The following TSPAN14 variants were observed in gnomAD, a reference collection of about 807,000 sequenced individuals.
TSPAN14 encodes tetraspanin 14, also known as tetraspanin-14.
In TSPAN14, 16 loss-of-function variants were observed where a neutral mutation model predicts 36.6. The ratio of observed to expected loss-of-function variants is 0.44; its 90% confidence interval spans 0.30 to 0.66. TSPAN14 has a LOEUF of 0.66. Ranked by LOEUF, TSPAN14 falls within the 30% of genes least tolerant of loss-of-function variation. The pLI is 0.12. For synonymous variants in TSPAN14, 139 were observed against 143.8 expected, an observed-to-expected ratio of 0.97 and a Z score of 0.24; for missense variants, 231 against 355.1, an observed-to-expected ratio of 0.65 and a Z score of 2.81.
chr10:80,499,860 C>T (rs1265514064), intron 2 of TSPAN14, among the ~76,000 whole-genome samples: 1 of 152,124 alleles, frequency 6.6e-6, no homozygotes, highest in Non-Finnish European at 1.5e-5. Context: ...TCAAGCTGGG[C>T]CGGAGCTGGG....
chr10:80,521,140 C>T, exon 9 of TSPAN14: 1 of 282,022 alleles, frequency 3.5e-6, no homozygotes, highest in Non-Finnish European at 6.9e-6. Flanking sequence ...GGCAGGCATG[C>T]ATGTGACTGT....
chr10:80,483,700 G>C (rs978877550), intron 1 of TSPAN14, among the ~76,000 whole-genome samples: 2 of 151,938 alleles, frequency 1.3e-5, no homozygotes, highest in African/African-American at 4.8e-5. Context: ...CCCAAGGTCA[G>C]TAGTTCGAGA....
chr10:80,465,954 G>A (rs1332798787), intron 1 of TSPAN14, among the ~76,000 whole-genome samples: 2 of 152,146 alleles, frequency 1.3e-5, no homozygotes, highest in Non-Finnish European at 2.9e-5. Flanking sequence ...TATGTGTGGG[G>A]TTGCAGGCGG....
At chr10:80,485,751 A>T in intron 1 of TSPAN14, 2 of 917,304 alleles carry the variant, frequency 2.2e-6, no homozygotes, top group African/African-American at 3.6e-5. Context: ...AGGGGTGGGA[A>T]AGCGGGGAGC....
At chr10:80,476,567 T>C (rs980760907) in intron 1 of TSPAN14, among the ~76,000 whole-genome samples, 3 of 151,700 alleles carry the variant, frequency 2.0e-5, no homozygotes, top group Admixed American at 6.6e-5. Context: ...AGGCACCCGC[T>C]ACCACACCCG....
intron 2 of TSPAN14, among the ~76,000 whole-genome samples, chr10:80,503,292 G>A (rs976684940): frequency 6.6e-6 from 1 of 152,198 alleles, no homozygotes; most frequent in African/African-American, 2.4e-5. Context: ...AAAGGGTGTG[G>A]TGTGATATGG....
intron 1 of TSPAN14, among the ~76,000 whole-genome samples, chr10:80,480,777 T>C (rs906754121): frequency 4.0e-5 from 6 of 151,846 alleles, no homozygotes; most frequent in African/African-American, 1.5e-4. Flanking sequence ...CTGGGGACTG[T>C]TGTGCGGTGG....
At chr10:80,510,081 C>T (rs1840534234) in intron 5 of TSPAN14, among the ~76,000 whole-genome samples, 1 of 152,204 alleles carries the variant, frequency 6.6e-6, no homozygotes, top group Non-Finnish European at 1.5e-5. Flanking sequence ...TCATGTGTGG[C>T]TGCACCTGGA....
At chr10:80,496,680 C>G (rs1333613650) in intron 2 of TSPAN14, among the ~76,000 whole-genome samples, 1 of 152,080 alleles carries the variant, frequency 6.6e-6, no homozygotes, top group African/African-American at 2.4e-5. Context: ...TTACCATTCT[C>G]CTTTAGTTTC....
intron 5 of TSPAN14, among the ~76,000 whole-genome samples, chr10:80,511,943 G>A (rs951902509): frequency 1.3e-5 from 2 of 151,948 alleles, no homozygotes; most frequent in South Asian, 2.1e-4. Context: ...GAGCTACTAC[G>A]CCTAGCTGTT....
chr10:80,466,034 TC>T (rs1846228239), intron 1 of TSPAN14, among the ~76,000 whole-genome samples: 1 of 152,164 alleles, frequency 6.6e-6, no homozygotes, highest in Non-Finnish European at 1.5e-5. Context: ...CCATACTGTC[TC>T]CTTTCTAAAC....
At chr10:80,505,194 C>A (rs968013012) in intron 3 of TSPAN14, among the ~76,000 whole-genome samples, 1 of 152,190 alleles carries the variant, frequency 6.6e-6, no homozygotes, top group Admixed American at 6.5e-5. Context: ...GTGACATGCC[C>A]CCAGGGTGCC....
chr10:80,461,213 T>C (rs1845950511), intron 1 of TSPAN14, among the ~76,000 whole-genome samples: 1 of 152,220 alleles, frequency 6.6e-6, no homozygotes, highest in Admixed American at 6.5e-5. Context: ...TGACCCTGTT[T>C]GGCCTGCCTC....
chr10:80,492,381 A>G (rs1024835304), intron 2 of TSPAN14, among the ~76,000 whole-genome samples: 2 of 152,222 alleles, frequency 1.3e-5, no homozygotes, highest in African/African-American at 4.8e-5. Context: ...GCAGTGGTGC[A>G]GAAGGATTGC....
chr10:80,489,209 C>T lies in TSPAN14; in HGVS notation c.-17-8C>T. 1.3e-6 allele frequency: 2 copies of T among 1,554,250 alleles called. No individual in the cohort carries two copies. Among genetic ancestry groups the T allele is most frequent in the Non-Finnish European group, 1.7e-6 (2 of 1,144,354 alleles). On this transcript the variant is annotated splice_polypyrimidine_tract_variant and splice_region_variant and intron_variant, in intron 1 of 8. Coordinates refer to ENST00000429989, the Ensembl canonical transcript of TSPAN14. ...CTGCCATCTCACTAGTCACACATCTCTCCGCAGATTCTGCTTCTCAGAAGA... is the reference window on the plus strand; with the variant it reads ...CTGCCATCTCACTAGTCACACATCTTTCCGCAGATTCTGCTTCTCAGAAGA...
At chr10:80,499,823 G>A (rs1848393970) in intron 2 of TSPAN14, among the ~76,000 whole-genome samples, 1 of 152,210 alleles carries the variant, frequency 6.6e-6, no homozygotes, top group African/African-American at 2.4e-5. Flanking sequence ...GGTGCTCGCT[G>A]GTCCAGCAGA....
Position 80,509,458 on chromosome 10 carries a change from C to G in TSPAN14, c.437C>G (p.Ser146Cys). ...ATCGATCTGCAAAACCTCATCGACT[C>G]CCTTCAGAAAGCTGTAAGCACCTCC... The change falls in exon 5 of 9, where the codon TCC becomes TGC. Residue 146 changes from serine to cysteine, a missense_variant. Coordinates refer to ENST00000429989, the Ensembl canonical transcript of TSPAN14. The surrounding 1 kb of genome is among the most constrained non-coding windows in gnomAD (Gnocchi z 4.7). The G allele has an allele frequency of 1.2e-6, 2 of 1,613,806 alleles. No individual in the cohort carries two copies. Among genetic ancestry groups the G allele is most frequent in the Non-Finnish European group, 1.7e-6 (2 of 1,179,930 alleles).
intron 3 of TSPAN14, among the ~76,000 whole-genome samples, chr10:80,506,747 A>G (rs1840327280): frequency 6.6e-6 from 1 of 152,206 alleles, no homozygotes; most frequent in Non-Finnish European, 1.5e-5. Context: ...TGGTGTAGAA[A>G]CTTCTATGGA....
rs1356498855 is a variant in TSPAN14, at chr10:80,496,625, C to T, written c.81+7311C>T. ...CCCATTTCCCTAGGACATTGTTTATCTAGGGCACAGAGGCTCGGTTTAGTT... is the reference window on the plus strand; with the variant it reads ...CCCATTTCCCTAGGACATTGTTTATTTAGGGCACAGAGGCTCGGTTTAGTT... On this transcript the variant is annotated intron_variant, in intron 2 of 8. Transcript: ENST00000429989. Among the ~76,000 whole-genome samples the T allele has an allele frequency of 2.6e-5, 4 of 152,266 alleles. No homozygotes were observed. In the East Asian group the frequency reaches 7.7e-4, roughly 29 times the overall value.
Sources: gnomAD v4.1 joint callset for allele counts (sites outside exome capture counted in the v4.1 genomes callset) on GRCh38, gnomAD v4.1.1 for gene constraint, Gnocchi (gnomAD v3.1) non-coding constraint, MANE v1.5 for transcripts, NCBI Gene and HGNC (gene_info 2026-07-23, HGNC 2026-07-21) for gene names.